ASXL3: variants seen among roughly 807,000 people sequenced by gnomAD.
ASXL3 encodes ASXL transcriptional regulator 3, also known as putative Polycomb group protein ASXL3.
A neutral mutation model predicts 170.6 loss-of-function variants in ASXL3; 34 were observed. The ratio of observed to expected loss-of-function variants is 0.20; its 90% CI spans 0.15 to 0.27. The LOEUF (loss-of-function observed/expected upper bound fraction) is 0.27. Among genes scored for constraint, ASXL3 ranks in the 10% least tolerant of loss-of-function variants. ASXL3 has a pLI of 1.00. For synonymous variants in ASXL3, 1,002 were observed against 989.1 expected (o/e 1.01, Z -0.24); for missense variants, 2,592 against 2,695.3 (o/e 0.96, Z 0.85).
At chr18:33,623,158 T>C (rs1267426243) in intron 2 of ASXL3, among the ~76,000 whole-genome samples, 1 of 152,196 alleles carries the variant, frequency 6.6e-6, no homozygotes, top group Admixed American at 6.6e-5. Context: ...TTGTGAAGAA[T>C]TCTTTCACTC....
intron 8 of ASXL3, among the ~76,000 whole-genome samples, chr18:33,725,023 C>CTT (rs2067325785): frequency 6.6e-6 from 1 of 151,984 alleles, no homozygotes; most frequent in Admixed American, 6.6e-5. Flanking sequence ...CTGAATTATA[C>CTT]TTAGTGGTAA....
intron 1 of ASXL3, among the ~76,000 whole-genome samples, chr18:33,598,212 C>T (rs1291930874): frequency 6.6e-6 from 1 of 151,734 alleles, no homozygotes; most frequent in Non-Finnish European, 1.5e-5. Flanking sequence ...AAATATAAAC[C>T]CCAAATTGTT....
chr18:33,606,216 G>A (rs988097397), intron 1 of ASXL3, among the ~76,000 whole-genome samples: 1 of 151,744 alleles, frequency 6.6e-6, no homozygotes, highest in Non-Finnish European at 1.5e-5. Context: ...CGAGTGTTCA[G>A]TTCACCTCTA....
chr18:33,580,398 C>T (rs2064982154), intron 1 of ASXL3, among the ~76,000 whole-genome samples: 1 of 152,168 alleles, frequency 6.6e-6, no homozygotes, highest in African/African-American at 2.4e-5. Context: ...TCTGAAAATG[C>T]ATTATTCAGG....
chr18:33,664,857 T>C (rs532761709), intron 5 of ASXL3, among the ~76,000 whole-genome samples: 1 of 152,322 alleles, frequency 6.6e-6, no homozygotes, highest in Non-Finnish European at 1.5e-5. Context: ...CTCCCAAATA[T>C]TTGAGTCCCT....
At chr18:33,694,393 G>T (rs927902047) in intron 8 of ASXL3, among the ~76,000 whole-genome samples, 6 of 152,106 alleles carry the variant, frequency 3.9e-5, no homozygotes, top group African/African-American at 1.4e-4. Flanking sequence ...TGGAATAAAT[G>T]TCAACTAAAG....
chr18:33,694,965 A>G (rs986539185), intron 8 of ASXL3, among the ~76,000 whole-genome samples: 5 of 152,162 alleles, frequency 3.3e-5, no homozygotes, highest in Admixed American at 2.6e-4. Flanking sequence ...ATCAGTGTAT[A>G]TATTTAAAGA....
In ASXL3 at chr18:33,749,143, A is replaced by G. The variant is rs915694634; in HGVS notation, c.*2548A>G. ...CTCATATGGTTTATATTACTGAAAA[A>G]TTAATATCTTTAAGCTAAAATATAA... On this transcript the variant is annotated 3_prime_UTR_variant, in exon 12 of 12. Coordinates refer to ENST00000269197, the MANE Select transcript of ASXL3 (RefSeq NM_030632.3). The G allele has an allele frequency of 1.3e-4, 19 of 150,686 alleles. No individual in the cohort carries two copies. Among genetic ancestry groups the G allele is most frequent in the Non-Finnish European group, 2.7e-4 (18 of 67,916 alleles). The allele number at this position is 150,686 out of a possible 1,614,324, so 9.3% of individuals were successfully genotyped here.
intron 3 of ASXL3, among the ~76,000 whole-genome samples, chr18:33,645,483 A>T (rs1414030857): frequency 2.0e-5 from 3 of 151,966 alleles, no homozygotes; most frequent in Non-Finnish European, 4.4e-5. Flanking sequence ...AGTTTTACTA[A>T]TGCACACTTG....
intron 1 of ASXL3, among the ~76,000 whole-genome samples, chr18:33,606,151 A>G (rs1555718579): frequency 6.6e-6 from 1 of 151,436 alleles, no homozygotes; most frequent in South Asian, 2.1e-4. Flanking sequence ...TTTTTCCAAT[A>G]TATTTATACT....
At chr18:33,741,443 AAAG>A (rs1230557729) in intron 11 of ASXL3, among the ~76,000 whole-genome samples, 2 of 152,218 alleles carry the variant, frequency 1.3e-5, no homozygotes, top group Non-Finnish European at 2.9e-5. Context: ...GATGTGAAAA[AAAG>A]GTAAATACTA....
At position 33,739,208 on chromosome 18, in the gene ASXL3, C is replaced by T; in HGVS notation, c.1804C>T (p.Leu602Phe). Reference sequence around the variant, plus strand: ...GCTACAGAGTGACCCTGAAGAACAGCTTTCAGAAAATGCCTGCATCTCTGA... The same window carrying T: ...GCTACAGAGTGACCCTGAAGAACAGTTTTCAGAAAATGCCTGCATCTCTGA... ...MELQSDPEEQ[L>F]SENACISETS... Residue 602 changes from leucine to phenylalanine, a missense_variant, in exon 11 of 12, where the codon CTT becomes TTT. This residue lies in a region of ASXL3 where 2,246 missense variants were observed against 2,219.6 expected (regional missense o/e 1.01). Coordinates refer to ENST00000269197, the MANE Select transcript of ASXL3 (RefSeq NM_030632.3). 6.2e-7 allele frequency: 1 copy of T among 1,613,830 alleles called. No individual in the cohort carries two copies. The highest frequency in any genetic ancestry group is 8.5e-7 in the Non-Finnish European group (1 of 1,179,838).
chr18:33,644,541 G>A (rs541215526), intron 2 of ASXL3, among the ~76,000 whole-genome samples: 1 of 150,840 alleles, frequency 6.6e-6, no homozygotes, highest in African/African-American at 2.4e-5. Flanking sequence ...AAAAGCTAAG[G>A]CTTCATGGTG....
intron 8 of ASXL3, among the ~76,000 whole-genome samples, chr18:33,721,392 A>T (rs1013685025): frequency 1.3e-5 from 2 of 152,054 alleles, no homozygotes; most frequent in African/African-American, 4.8e-5. Flanking sequence ...GTACACACAT[A>T]TATATATGTA....
rs114077568 is a variant in ASXL3 at position 33,723,019 on chromosome 18, C to T, written c.880-8949C>T. Among the ~76,000 whole-genome samples the T allele has an allele frequency of 4.1e-3, 623 of 152,186 alleles. 4 individuals carry two copies. Among genetic ancestry groups the T allele is most frequent in the African/African-American group, 0.014 (565 of 41,520 alleles). On this transcript the variant is annotated intron_variant, in intron 8 of 11. Coordinates refer to ENST00000269197, the MANE Select transcript of ASXL3 (RefSeq NM_030632.3). ...CATGGCTTACTGAATATTTTAAGTC[C>T]GCTGTTGAGACTTACTGCTCAGAAA... is the stretch of plus-strand genomic sequence containing the variant.
intron 1 of ASXL3, among the ~76,000 whole-genome samples, chr18:33,580,352 C>G (rs1049523456): frequency 6.6e-6 from 1 of 152,066 alleles, no homozygotes; most frequent in Non-Finnish European, 1.5e-5. Flanking sequence ...GTTTGCTCGG[C>G]CATTAATTCA....
At chr18:33,682,791 G>A (rs2066534700) in intron 7 of ASXL3, among the ~76,000 whole-genome samples, 3 of 152,244 alleles carry the variant, frequency 2.0e-5, no homozygotes, top group South Asian at 4.1e-4. Context: ...AGGTCAAGCA[G>A]TCCTTCTGCC....
chr18:33,686,883 C>A (rs907978641), intron 8 of ASXL3, among the ~76,000 whole-genome samples: 11 of 152,116 alleles, frequency 7.2e-5, no homozygotes, highest in Admixed American at 2.0e-4. Context: ...TCCTTAATTT[C>A]TTTTTTGGGA....
chr18:33,588,112 T>G (rs768896205), intron 1 of ASXL3, among the ~76,000 whole-genome samples: 4 of 152,132 alleles, frequency 2.6e-5, no homozygotes, highest in Non-Finnish European at 5.9e-5. Flanking sequence ...ATGCTGTGGT[T>G]TATAACCTAT....
Sources: gnomAD v4.1 joint callset for allele counts (sites outside exome capture counted in the v4.1 genomes callset) on GRCh38, gnomAD v4.1.1 for gene constraint, gnomAD v4.1.1 regional missense constraint, MANE v1.5 for transcripts, NCBI Gene and HGNC (gene_info 2026-07-23, HGNC 2026-07-21) for gene names.